The following APOC1 variants were observed in gnomAD, a reference collection of about 807,000 sequenced individuals.
APOC1 encodes apolipoprotein C1.
Under a neutral mutation model 6.7 loss-of-function variants are expected in APOC1, and 4 were observed. That is an observed-to-expected ratio of 0.60 (90% CI 0.29 to 1.37). APOC1 has a LOEUF of 1.37. APOC1 is among the 40% of genes most tolerant of loss of function. The pLI is 0.09. For missense variants in APOC1, 122 were observed against 99.4 expected (o/e 1.23, Z -0.97); for synonymous variants, 33 against 40.6 (o/e 0.81, Z 0.72).
chr19:44,918,665 C>T (rs1156548070), intron 3 of APOC1, among the ~76,000 whole-genome samples: 1 of 149,834 alleles, frequency 6.7e-6, no homozygotes, highest in Non-Finnish European at 1.5e-5. Context: ...GCGTGAGCCA[C>T]GGCGCCCGGC....
intron 3 of APOC1, among the ~76,000 whole-genome samples, chr19:44,918,162 G>A (rs1970040921): frequency 6.7e-6 from 1 of 149,976 alleles, no homozygotes; most frequent in Non-Finnish European, 1.5e-5. Context: ...CAGCTACTCG[G>A]GAGGCTGAGG....
At chr19:44,916,827 A>AC (rs1970018555) in intron 3 of APOC1, among the ~76,000 whole-genome samples, 1 of 149,972 alleles carries the variant, frequency 6.7e-6, no homozygotes, top group Non-Finnish European at 1.5e-5. Flanking sequence ...AAAAAAAAAA[A>AC]AAAAAAAACA....
At chr19:44,918,911 G>A (rs1426378731) in intron 3 of APOC1, 3 of 482,660 alleles carry the variant, frequency 6.2e-6, no homozygotes, top group East Asian at 3.4e-5. Flanking sequence ...AGCCTACCTC[G>A]GCCTCCCAAA....
In APOC1 at chr19:44,915,205, G is replaced by A. The variant is rs1007065754; in HGVS notation, c.58+256G>A. On this transcript the variant is annotated intron_variant, in intron 2 of 3. Coordinates refer to ENST00000592535, the MANE Select transcript of APOC1 (RefSeq NM_001645.5). ...TGGGATTGGCTGTCCTGCTTCGACAGCCTTGAAAGTGGGTAAGCTGGGTGG... is the reference window on the plus strand; with the variant it reads ...TGGGATTGGCTGTCCTGCTTCGACAACCTTGAAAGTGGGTAAGCTGGGTGG... 2.4e-5 allele frequency: 13 copies of A among 547,910 alleles called. 1 individual carries two copies. Among genetic ancestry groups the A allele is most frequent in the Middle Eastern group, 5.0e-4 (1 of 2,004 alleles). The allele number at this position is 547,910 out of a possible 1,614,324, so 33.9% of individuals were successfully genotyped here. A position where few individuals can be genotyped will look rare whatever the true frequency, so the allele number is the denominator to read the frequency against.
intron 1 of APOC1, 52 bp downstream of exon 1, chr19:44,914,785 C>A: frequency 8.3e-7 from 1 of 1,199,000 alleles, no homozygotes; most frequent in Non-Finnish European, 1.2e-6. Context: ...GCAAGAAACT[C>A]AAAAAGGGAG....
At chr19:44,918,313 A>G (rs1320265291) in intron 3 of APOC1, among the ~76,000 whole-genome samples, 1 of 150,988 alleles carries the variant, frequency 6.6e-6, no homozygotes, top group Non-Finnish European at 1.5e-5. Context: ...CAGGCCTTGA[A>G]AGCCAGGCCA....
Position 44,916,196 on chromosome 19 carries a change from C to T in APOC1, c.65C>T (p.Ala22Val), listed in dbSNP as rs776823160. 6.3e-7 allele frequency: 1 copy of T among 1,583,580 alleles called. No individual in the cohort carries two copies. The highest frequency in any genetic ancestry group is 8.6e-7 in the Non-Finnish European group (1 of 1,166,956). ...VVLSIVLEGP[A>V]PAQGTPDVSS... ...CTGCCCATCTTCCTGGCAGGCCCAG[C>T]CCCAGCCCAGGGGACCCCAGACGTC... is the stretch of plus-strand genomic sequence containing the variant. The change falls in exon 3 of 4, where the codon GCC becomes GTC. Residue 22 changes from alanine to valine, a missense_variant. Ala to Val is a moderately conservative substitution (Grantham distance 64). Transcript: ENST00000592535.
intron 3 of APOC1, chr19:44,918,810 A>AT (rs1355750506): frequency 4.4e-6 from 1 of 228,456 alleles, no homozygotes; most frequent in Non-Finnish European, 8.6e-6. Context: ...CAGGTGTGTG[A>AT]CACCACACAT....
intron 3 of APOC1, among the ~76,000 whole-genome samples, chr19:44,918,492 G>A (rs956277862): frequency 2.8e-5 from 4 of 145,362 alleles, no homozygotes; most frequent in Admixed American, 1.4e-4. Context: ...CTCCCGAGTA[G>A]CTGGGACTAC....
At chr19:44,915,266 T>C in intron 2 of APOC1, 1 of 357,758 alleles carries the variant, frequency 2.8e-6, no homozygotes, top group Non-Finnish European at 5.2e-6. Flanking sequence ...AGTAAGGCAA[T>C]TCCCAGCAGC....
chr19:44,914,899 T>C lies in APOC1; in HGVS notation c.8T>C (p.Leu3Pro). The change falls in exon 2 of 4, where the codon CTC (leucine) becomes CCC (proline). Residue 3 changes from leucine (L) to proline (P), a missense_variant. Physicochemically the swap from Leu to Pro is moderately conservative, Grantham distance 98. Coordinates refer to ENST00000592535, the MANE Select transcript of APOC1 (RefSeq NM_001645.5). MR[L>P]FLSLPVLVVV... ...TGCCCCTCCGGCCTCGCCATGAGGC[T>C]CTTCCTGTCGCTCCCGGTCCTGGTG... The C allele has an allele frequency of 6.2e-7, 1 of 1,613,832 alleles. No homozygotes were observed. The highest frequency in any genetic ancestry group is 1.1e-5 in the South Asian group (1 of 91,060).
chr19:44,918,914 C>G (rs768039304), intron 3 of APOC1: 2 of 495,794 alleles, frequency 4.0e-6, no homozygotes, highest in Non-Finnish European at 7.2e-6. Context: ...CTACCTCGGC[C>G]TCCCAAAGTG....
At chr19:44,918,937 G>A (rs180836986) in intron 3 of APOC1, 19 of 554,798 alleles carry the variant, frequency 3.4e-5, no homozygotes, top group Non-Finnish European at 6.1e-5. Flanking sequence ...GGGATTACAG[G>A]CGTGAGCCAA....
At chr19:44,917,288 A>G (rs538976481) in intron 3 of APOC1, among the ~76,000 whole-genome samples, 2 of 152,302 alleles carry the variant, frequency 1.3e-5, no homozygotes, top group South Asian at 2.1e-4. Flanking sequence ...AACTGTTTCA[A>G]TGTGGGGAAT....
At chr19:44,915,662 G>C (rs1020878770) in intron 2 of APOC1, among the ~76,000 whole-genome samples, 1 of 151,086 alleles carries the variant, frequency 6.6e-6, no homozygotes, top group Non-Finnish European at 1.5e-5. Context: ...CCCAACCTAA[G>C]GGGGTTCCAA....
At chr19:44,914,607 C>T (rs1022919015), upstream of APOC1, 5 of 447,262 alleles carry the variant, frequency 1.1e-5, no homozygotes, top group South Asian at 1.4e-4. Context: ...CAGAGGGAGG[C>T]AGGCGGTCAG....
intron 2 of APOC1, chr19:44,915,296 T>G: frequency 4.4e-6 from 1 of 229,286 alleles, no homozygotes; most frequent in Non-Finnish European, 8.5e-6. Flanking sequence ...ACCAGGTCAC[T>G]CCAGTATTCC....
At chr19:44,918,020 C>T (rs1410155571) in intron 3 of APOC1, among the ~76,000 whole-genome samples, 2 of 151,854 alleles carry the variant, frequency 1.3e-5, no homozygotes, top group African/African-American at 2.4e-5. Flanking sequence ...CCAGTAATCC[C>T]AGCACTGTGG....
At chr19:44,914,579 G>C (rs1333545777), upstream of APOC1, 2 of 398,872 alleles carry the variant, frequency 5.0e-6, no homozygotes, top group African/African-American at 4.1e-5. Flanking sequence ...AGGGGCAGAG[G>C]AGAAAAACGT....
Sources: allele counts gnomAD v4.1 joint callset (sites outside exome capture counted in the v4.1 genomes callset), GRCh38; gene constraint gnomAD v4.1.1; transcripts MANE v1.5; gene names NCBI Gene and HGNC (gene_info 2026-07-23, HGNC 2026-07-21).